Variants in RMDN2 observed in about 807,000 individuals in gnomAD.
RMDN2 encodes regulator of microtubule dynamics 2, also known as regulator of microtubule dynamics protein 2.
In RMDN2, 61 loss-of-function variants were observed where a neutral mutation model predicts 52.8. The observed-to-expected ratio is 1.16, with a 90% CI of 0.94 to 1.43. RMDN2 has a LOEUF of 1.43. Ranked by LOEUF, RMDN2 falls within the 40% of genes most tolerant of loss-of-function variation. The pLI is 0.00. For synonymous variants in RMDN2, 180 were observed against 153.1 expected (o/e 1.18, Z -1.30); for missense variants, 592 against 475.3 (o/e 1.25, Z -2.28).
At chr2:37,939,178 G>T (rs1018956862) in intron 2 of RMDN2, among the ~76,000 whole-genome samples, 6 of 152,160 alleles carry the variant, frequency 3.9e-5, no homozygotes, top group African/African-American at 1.4e-4. Flanking sequence ...GGAGCAGGTT[G>T]TTCAGTTTCC....
At chr2:37,992,517 CAT>C (rs1674945697) in intron 7 of RMDN2, among the ~76,000 whole-genome samples, 1 of 152,212 alleles carries the variant, frequency 6.6e-6, no homozygotes, top group South Asian at 2.1e-4. Flanking sequence ...CAACAACTCA[CAT>C]GTTTTACTTA....
rs1291783129 is a variant in RMDN2 at position 38,045,869 on chromosome 2, C to G, written c.1714-21113C>G. ...AAGCATGGCAAAGCATGTTTATGGC[C>G]AACAAGTGTTGCCGTAAATTGTGAC... On this transcript the variant is annotated intron_variant, in intron 10 of 10. Coordinates refer to the RMDN2 transcript ENST00000234195. Among the ~76,000 whole-genome samples the G allele has an allele frequency of 4.6e-5, 7 of 152,296 alleles. No homozygotes were observed. The South Asian group carries it at 1.5e-3, about 32-fold the overall frequency.
At chr2:38,039,809 A>AT (rs1421688714) in intron 10 of RMDN2, among the ~76,000 whole-genome samples, 2 of 152,188 alleles carry the variant, frequency 1.3e-5, no homozygotes, top group Non-Finnish European at 2.9e-5. Flanking sequence ...GATGTCAAGA[A>AT]TCGGACCATG....
intron 10 of RMDN2, among the ~76,000 whole-genome samples, chr2:38,049,518 A>G (rs1681464604): frequency 6.6e-6 from 1 of 152,144 alleles, no homozygotes; most frequent in Non-Finnish European, 1.5e-5. Flanking sequence ...CAAACACTAG[A>G]TTTTCATATC....
intron 4 of RMDN2, among the ~76,000 whole-genome samples, chr2:37,978,520 G>A (rs1195583007): frequency 1.3e-5 from 2 of 152,084 alleles, no homozygotes. Flanking sequence ...ATGGAAATAA[G>A]CTCTTATTAA....
At chr2:38,051,550 C>A (rs1292452467) in intron 10 of RMDN2, among the ~76,000 whole-genome samples, 2 of 152,192 alleles carry the variant, frequency 1.3e-5, no homozygotes, top group African/African-American at 2.4e-5. Context: ...CATTTCAAAT[C>A]TTCTAGCTAT....
At chr2:37,940,800 A>G (rs1479932327) in intron 2 of RMDN2, among the ~76,000 whole-genome samples, 4 of 152,078 alleles carry the variant, frequency 2.6e-5, no homozygotes, top group Non-Finnish European at 4.4e-5. Context: ...CTAACCTTTT[A>G]TCAAGGTTCT....
In RMDN2 at chr2:37,952,098, C is replaced by G. The variant is rs748125454; in HGVS notation, c.453-21942C>G. The G allele has an allele frequency of 1.9e-6, 3 of 1,612,982 alleles. No individual in the cohort carries two copies. In the East Asian group the frequency reaches 6.7e-5, roughly 36 times the overall value. ...TTATAAAAATTCTGGTTGCTTTATC[C>G]CACCTCAAAGCGAATTAACTTCAGG... is the stretch of plus-strand genomic sequence containing the variant. On this transcript the variant is annotated intron_variant, in intron 2 of 10. Coordinates refer to ENST00000354545, the MANE Select transcript of RMDN2 (RefSeq NM_001170791.3).
intron 10 of RMDN2, among the ~76,000 whole-genome samples, 152 bp from the exon 11 acceptor site, chr2:38,017,034 A>G (rs1274464063): frequency 3.3e-5 from 5 of 152,216 alleles, no homozygotes; most frequent in Non-Finnish European, 7.3e-5. Context: ...GTCCTGAATT[A>G]GGGAAAGTAT....
At chr2:38,020,932 G>A (rs1310450397), downstream of RMDN2, among the ~76,000 whole-genome samples, 1 of 152,220 alleles carries the variant, frequency 6.6e-6, no homozygotes, top group African/African-American at 2.4e-5. Context: ...TCCACCTGTG[G>A]CCGGGTCTGG....
chr2:38,007,304 G>T (rs1227654604), intron 10 of RMDN2, among the ~76,000 whole-genome samples: 2 of 152,160 alleles, frequency 1.3e-5, no homozygotes, highest in Non-Finnish European at 2.9e-5. Context: ...TTGTACCTCT[G>T]GTAGAATTTG....
intron 5 of RMDN2, among the ~76,000 whole-genome samples, chr2:37,988,837 C>T (rs1674384808): frequency 1.3e-5 from 2 of 152,058 alleles, no homozygotes; most frequent in Non-Finnish European, 2.9e-5. Context: ...AAGCAAATTG[C>T]TGAACAAATA....
intron 8 of RMDN2, among the ~76,000 whole-genome samples, chr2:38,000,163 C>T (rs1237156183): frequency 6.6e-6 from 1 of 151,972 alleles, no homozygotes; most frequent in Admixed American, 6.6e-5. Context: ...TCTGTGAATC[C>T]CCTGGGGAAA....
At chr2:37,960,910 G>C (rs1670138598) in intron 2 of RMDN2, among the ~76,000 whole-genome samples, 1 of 152,188 alleles carries the variant, frequency 6.6e-6, no homozygotes, top group Non-Finnish European at 1.5e-5. Flanking sequence ...CTCAGCACTT[G>C]CTTGTCTGTA....
intron 10 of RMDN2, among the ~76,000 whole-genome samples, chr2:38,058,438 C>T (rs537649683): frequency 1.3e-5 from 2 of 152,198 alleles, no homozygotes; most frequent in South Asian, 2.1e-4. Flanking sequence ...GGAGAAGCAA[C>T]GCCCCAGATT....
intron 10 of RMDN2, among the ~76,000 whole-genome samples, chr2:38,046,739 C>T (rs962379586): frequency 2.6e-5 from 4 of 152,096 alleles, no homozygotes; most frequent in Non-Finnish European, 4.4e-5. Context: ...AATCCCAGCA[C>T]TTTGGGAGGC....
At chr2:38,004,260 C>T (rs757519033) in intron 10 of RMDN2, 44 bp downstream of exon 10, 3 of 1,314,550 alleles carry the variant, frequency 2.3e-6, no homozygotes, top group East Asian at 2.3e-5. Flanking sequence ...CTTGTTAGTA[C>T]TATTCGAGCT....
intron 2 of RMDN2, chr2:37,951,560 C>T (rs745653440): frequency 7.4e-6 from 12 of 1,612,734 alleles, no homozygotes; most frequent in South Asian, 6.6e-5. Context: ...CTTCCTCAGA[C>T]CATTGTGGTA....
At chr2:38,026,766 C>G (rs1679811651) in intron 10 of RMDN2, among the ~76,000 whole-genome samples, 2 of 152,096 alleles carry the variant, frequency 1.3e-5, no homozygotes, top group South Asian at 4.1e-4. Context: ...CACTTCCTTT[C>G]TACTATAAGC....
Sources: gnomAD v4.1 joint callset for allele counts (sites outside exome capture counted in the v4.1 genomes callset) on GRCh38, gnomAD v4.1.1 for gene constraint, MANE v1.5 for transcripts, NCBI Gene and HGNC (gene_info 2026-07-23, HGNC 2026-07-21) for gene names.